The following MARCHF11 variants were observed in gnomAD, a reference collection of about 807,000 sequenced individuals.
MARCHF11 encodes the protein E3 ubiquitin-protein ligase MARCHF11.
MARCHF11 carries 29 observed loss-of-function variants against 37.3 expected under a neutral mutation model. The observed-to-expected ratio is 0.78, with a 90% CI of 0.58 to 1.06. The LOEUF (loss-of-function observed/expected upper bound fraction) is 1.06. Among genes scored for constraint, MARCHF11 ranks in the 50% least tolerant of loss-of-function variants. The pLI is 0.00. For missense variants in MARCHF11, 482 were observed against 533.4 expected (o/e 0.90, Z 0.95); for synonymous variants, 233 against 228.0 (o/e 1.02, Z -0.20).
At chr5:16,160,262 T>C (rs1738048174) in intron 2 of MARCHF11, among the ~76,000 whole-genome samples, 1 of 145,902 alleles carries the variant, frequency 6.9e-6, no homozygotes, top group Non-Finnish European at 1.5e-5. Context: ...TTTTATATTT[T>C]AATATATTTA....
intron 2 of MARCHF11, among the ~76,000 whole-genome samples, chr5:16,109,021 C>T (rs1305058420): frequency 6.6e-6 from 1 of 151,900 alleles, no homozygotes; most frequent in African/African-American, 2.4e-5. Context: ...CTTTCAGATC[C>T]TGTTTCCTTA....
intron 3 of MARCHF11, among the ~76,000 whole-genome samples, chr5:16,082,470 C>T (rs1051638685): frequency 6.6e-5 from 10 of 152,172 alleles, no homozygotes; most frequent in Admixed American, 6.5e-4. Flanking sequence ...CAGCCCAGGG[C>T]TCCTCCACTT....
chr5:16,179,513 C>T lies in MARCHF11; in HGVS notation c.63G>A (p.Glu21=). The stretch of plus-strand genomic sequence containing the variant: ...GCGGCGGGGGAGGTTGCGGGGGAGG[C>T]TCGGCGTCCCCGCTCTCCGCCCCGC... ...RCRGAESGDA[E]PPPQPPPPPP... is the part of the protein sequence containing the mutation. Residue 21 remains glutamate, a synonymous_variant, in exon 1 of 4, where the codon GAG becomes GAA. Transcript: ENST00000332432. 8.5e-7 allele frequency: 1 copy of T among 1,171,586 alleles called. No individual in the cohort carries two copies. Among genetic ancestry groups the T allele is most frequent in the East Asian group, 3.8e-5 (1 of 26,290 alleles). 72.6% of individuals were successfully genotyped at this position (1,171,586 alleles called of 1,614,324 possible). A position where few individuals can be genotyped will look rare whatever the true frequency, so the allele number is the denominator to read the frequency against.
chr5:16,179,165 G>A lies in MARCHF11; in HGVS notation c.411C>T (p.Asp137=). 2 of 1,415,240 alleles carry A rather than the reference G, an allele frequency of 1.4e-6. No homozygotes were observed. The highest frequency in any genetic ancestry group is 1.8e-6 in the Non-Finnish European group (2 of 1,091,076). 87.7% of individuals were successfully genotyped at this position (1,415,240 alleles called of 1,614,324 possible). The change falls in exon 1 of 4, where the codon GAC becomes GAT. Residue 137 remains aspartate (D), a synonymous_variant. Transcript: ENST00000332432. The part of the protein sequence containing the change: ...GGERERRGAG[D]QPETRSVCSS... ...TGCACACCGAGCGCGTCTCGGGCTG[G>A]TCTCCGGCGCCCCGCCGCTCGCGCT...
chr5:16,128,556 A>G (rs1177036350), intron 2 of MARCHF11, among the ~76,000 whole-genome samples: 1 of 152,226 alleles, frequency 6.6e-6, no homozygotes, highest in Non-Finnish European at 1.5e-5. Flanking sequence ...AAGGACGGGC[A>G]AGAACCAGGG....
At chr5:16,088,276 G>C (rs1453271325) in intron 3 of MARCHF11, among the ~76,000 whole-genome samples, 1 of 152,130 alleles carries the variant, frequency 6.6e-6, no homozygotes, top group Non-Finnish European at 1.5e-5. Flanking sequence ...ACATCCCACT[G>C]TATTCTAATC....
chr5:16,173,254 A>T (rs1738301888), intron 2 of MARCHF11, among the ~76,000 whole-genome samples: 1 of 152,164 alleles, frequency 6.6e-6, no homozygotes, highest in Admixed American at 6.5e-5. Flanking sequence ...CCTTTGACTG[A>T]TGCTCAGCCA....
chr5:16,171,116 T>C (rs960758532), intron 2 of MARCHF11, among the ~76,000 whole-genome samples: 2 of 152,222 alleles, frequency 1.3e-5, no homozygotes, highest in East Asian at 3.9e-4. Context: ...TATTTATTTA[T>C]TATTATACTT....
chr5:16,101,933 G>A (rs1736965180), intron 2 of MARCHF11, among the ~76,000 whole-genome samples: 1 of 152,204 alleles, frequency 6.6e-6, no homozygotes, highest in African/African-American at 2.4e-5. Context: ...TGAAATTTAT[G>A]CAGAATCTTT....
At chr5:16,082,152 G>A (rs573443464) in intron 3 of MARCHF11, among the ~76,000 whole-genome samples, 9 of 152,300 alleles carry the variant, frequency 5.9e-5, no homozygotes, top group African/African-American at 1.9e-4. Flanking sequence ...CTCTGCCTCC[G>A]CTTTCCAGGG....
chr5:16,069,725 G>T (rs781293375), intron 3 of MARCHF11, among the ~76,000 whole-genome samples: 2 of 152,140 alleles, frequency 1.3e-5, no homozygotes, highest in African/African-American at 2.4e-5. Flanking sequence ...AAGGCTGGAG[G>T]AATGCGTGAT....
At chr5:16,172,656 A>G (rs950162031) in intron 2 of MARCHF11, among the ~76,000 whole-genome samples, 2 of 152,204 alleles carry the variant, frequency 1.3e-5, no homozygotes, top group African/African-American at 4.8e-5. Flanking sequence ...CATTTTCAAA[A>G]CCAAAGTCAG....
chr5:16,178,271 T>C (rs1307103920), intron 1 of MARCHF11, among the ~76,000 whole-genome samples: 2 of 152,232 alleles, frequency 1.3e-5, no homozygotes, highest in African/African-American at 4.8e-5. Context: ...GCATTATGCT[T>C]TTTTTTCTAA....
At chr5:16,081,265 AC>A (rs1392269952) in intron 3 of MARCHF11, among the ~76,000 whole-genome samples, 1 of 152,170 alleles carries the variant, frequency 6.6e-6, no homozygotes, top group African/African-American at 2.4e-5. Flanking sequence ...CCAGGGCTCC[AC>A]AAACCTTTTC....
At chr5:16,157,974 A>T (rs189568666) in intron 2 of MARCHF11, among the ~76,000 whole-genome samples, 181 of 152,100 alleles carry the variant, frequency 1.2e-3, no homozygotes, top group Middle Eastern at 0.01. Context: ...AGGCATTCAA[A>T]CAACTCAATA....
chr5:16,075,405 C>T (rs958282119), intron 3 of MARCHF11, among the ~76,000 whole-genome samples: 10 of 151,874 alleles, frequency 6.6e-5, no homozygotes, highest in South Asian at 2.1e-4. Context: ...CTGCCCACCA[C>T]TCTACACAGA....
intron 2 of MARCHF11, among the ~76,000 whole-genome samples, chr5:16,108,653 G>A (rs114323007): frequency 0.012 from 1,771 of 152,234 alleles, 19 homozygotes; most frequent in Middle Eastern, 0.017. Flanking sequence ...AGGGGAGAGA[G>A]AGAGTAAACA....
chr5:16,171,107 A>G (rs568742883), intron 2 of MARCHF11, among the ~76,000 whole-genome samples: 1 of 152,120 alleles, frequency 6.6e-6, no homozygotes, highest in African/African-American at 2.4e-5. Flanking sequence ...TTATTTATTT[A>G]TTTATTTATT....
chr5:16,109,637 C>T (rs926655389), intron 2 of MARCHF11, among the ~76,000 whole-genome samples: 1 of 152,198 alleles, frequency 6.6e-6, no homozygotes, highest in Non-Finnish European at 1.5e-5. Flanking sequence ...TTCTAGCTAA[C>T]AACTGGACCC....
Sources: gnomAD v4.1 joint callset for allele counts (sites outside exome capture counted in the v4.1 genomes callset) on GRCh38, gnomAD v4.1.1 for gene constraint, MANE v1.5 for transcripts, NCBI Gene and HGNC (gene_info 2026-07-23, HGNC 2026-07-21) for gene names.